The following KPNA6 variants were observed in gnomAD, a reference collection of about 807,000 sequenced individuals.
KPNA6 encodes importin subunit alpha-7.
Under a neutral mutation model 72.0 loss-of-function variants are expected in KPNA6, and 9 were observed. That is an observed-to-expected ratio of 0.13 (90% CI 0.08 to 0.22). KPNA6 has a LOEUF of 0.22. KPNA6 is among the 10% of genes least tolerant of loss of function. The probability of loss-of-function intolerance (pLI) is 1.00; values close to 1 mark genes in which losing one functional copy is unlikely to be tolerated. For synonymous variants in KPNA6, 219 were observed against 242.1 expected (o/e 0.90, Z 0.89); for missense variants, 374 against 655.7 (o/e 0.57, Z 4.69).
rs768549403 is a variant in KPNA6 at position 32,172,639 on chromosome 1, T to C, written c.*1745T>C. On this transcript the variant is annotated 3_prime_UTR_variant, in exon 14 of 14. Transcript: ENST00000373625. Reference sequence around the variant, plus strand: ...GAATTACGGTAGTGCATTGCCTTAGTGGCTTGCCTGTGCCTCTGGGTGGAT... The same window carrying C: ...GAATTACGGTAGTGCATTGCCTTAGCGGCTTGCCTGTGCCTCTGGGTGGAT... The C allele has an allele frequency of 2.6e-5, 4 of 155,098 alleles. No individual in the cohort carries two copies. Among genetic ancestry groups the C allele is most frequent in the Non-Finnish European group, 5.7e-5 (4 of 70,150 alleles). 9.6% of individuals were successfully genotyped at this position (155,098 alleles called of 1,614,324 possible). A position where few individuals can be genotyped will look rare whatever the true frequency, so the allele number is the denominator to read the frequency against.
intron 1 of KPNA6, among the ~76,000 whole-genome samples, chr1:32,131,123 G>A (rs1174631109): frequency 1.3e-5 from 2 of 152,064 alleles, no homozygotes; most frequent in Non-Finnish European, 2.9e-5. Flanking sequence ...GTGAAACCCC[G>A]TCTCTACTAA....
chr1:32,148,545 G>A (rs902295453), intron 1 of KPNA6, among the ~76,000 whole-genome samples: 2 of 149,270 alleles, frequency 1.3e-5, no homozygotes, highest in African/African-American at 4.9e-5. Flanking sequence ...CCATAATGTG[G>A]TGTATATTGG....
At chr1:32,109,593 GT>G (rs929241856) in intron 1 of KPNA6, among the ~76,000 whole-genome samples, 2 of 151,144 alleles carry the variant, frequency 1.3e-5, no homozygotes, top group African/African-American at 4.9e-5. Context: ...TTTTCTGTTT[GT>G]TTATTTTGTT....
chr1:32,124,229 G>A (rs1641490303), intron 1 of KPNA6, among the ~76,000 whole-genome samples: 1 of 151,732 alleles, frequency 6.6e-6, no homozygotes. Context: ...AGTAATTAGC[G>A]GTGTGTAGTG....
At chr1:32,147,982 G>T (rs186128287) in intron 1 of KPNA6, among the ~76,000 whole-genome samples, 1 of 152,178 alleles carries the variant, frequency 6.6e-6, no homozygotes, top group African/African-American at 2.4e-5. Flanking sequence ...TCATAATTTC[G>T]AATGAGAAAT....
rs535291091 is a variant in KPNA6, at chr1:32,121,396, A to G, written c.4+13262A>G. Among the ~76,000 whole-genome samples the G allele has an allele frequency of 5.3e-5, 8 of 152,286 alleles. No individual in the cohort carries two copies. In the South Asian group the frequency reaches 1.0e-3, roughly 20 times the overall value. The stretch of plus-strand genomic sequence containing the variant: ...AGTGATGCTGAATTTAAATTTGTGC[A>G]TTTTGAGGATTCTCTGACCTCCAGG... On this transcript the variant is annotated intron_variant, in intron 1 of 13. Coordinates refer to ENST00000373625, the MANE Select transcript of KPNA6 (RefSeq NM_012316.5).
intron 1 of KPNA6, among the ~76,000 whole-genome samples, chr1:32,135,221 C>T (rs184569774): frequency 6.6e-6 from 1 of 152,324 alleles, no homozygotes; most frequent in Non-Finnish European, 1.5e-5. Context: ...GCATGCACCA[C>T]CAGGCCTGGC....
intron 12 of KPNA6, 45 bp from the exon 13 acceptor site, chr1:32,169,837 T>G (rs746720063): frequency 1.9e-6 from 3 of 1,556,332 alleles, no homozygotes; most frequent in Non-Finnish European, 2.6e-6. Flanking sequence ...CAGCACTTCA[T>G]GTGTCCTGTA....
At chr1:32,140,142 T>C (rs1641812228) in intron 1 of KPNA6, among the ~76,000 whole-genome samples, 1 of 152,156 alleles carries the variant, frequency 6.6e-6, no homozygotes, top group African/African-American at 2.4e-5. Flanking sequence ...CCCAGCACTT[T>C]GGGAGGCCGA....
intron 1 of KPNA6, among the ~76,000 whole-genome samples, chr1:32,111,859 T>C (rs1204246592): frequency 6.6e-6 from 1 of 152,220 alleles, no homozygotes; most frequent in Non-Finnish European, 1.5e-5. Context: ...AGGGGTGATA[T>C]TTGTAGCTCT....
intron 7 of KPNA6, among the ~76,000 whole-genome samples, chr1:32,160,999 T>TA (rs1375531880): frequency 6.6e-6 from 1 of 151,902 alleles, no homozygotes; most frequent in East Asian, 1.9e-4. Context: ...CTACAAAAAA[T>TA]ACAAAAGTTA....
intron 1 of KPNA6, among the ~76,000 whole-genome samples, chr1:32,144,715 A>G (rs2124026194): frequency 6.6e-6 from 1 of 152,130 alleles, no homozygotes; most frequent in East Asian, 1.9e-4. Context: ...CAGTGGCACA[A>G]TCTCGCCTCA....
chr1:32,142,129 A>T (rs1396805628), intron 1 of KPNA6, among the ~76,000 whole-genome samples: 1 of 151,632 alleles, frequency 6.6e-6, no homozygotes, highest in Non-Finnish European at 1.5e-5. Flanking sequence ...GCTGGCCCGC[A>T]CCTGTAATCC....
Position 32,173,080 on chromosome 1 carries a change from G to T in KPNA6, c.*2186G>T, listed in dbSNP as rs1300356568. The T allele has an allele frequency of 5.0e-6, 2 of 396,274 alleles. No individual in the cohort carries two copies. The highest frequency in any genetic ancestry group is 2.1e-5 in the African/African-American group (1 of 47,736). 24.5% of individuals were successfully genotyped at this position (396,274 alleles called of 1,614,324 possible). A position where few individuals can be genotyped will look rare whatever the true frequency, so the allele number is the denominator to read the frequency against. ...GCCACTCATCAGCTTGGGAATGATG[G>T]CTGCCAACTCCCAATCTCCCAGGAA... is the stretch of plus-strand genomic sequence containing the variant. On this transcript the variant is annotated 3_prime_UTR_variant, in exon 14 of 14. Transcript: ENST00000373625.
intron 1 of KPNA6, among the ~76,000 whole-genome samples, chr1:32,130,222 A>ATTTTTT (rs55953899): frequency 9.7e-6 from 1 of 103,136 alleles, no homozygotes; most frequent in African/African-American, 3.5e-5. Context: ...GTAGATAAAT[A>ATTTTTT]TTTTTTTTTT....
chr1:32,171,702 G>C lies in KPNA6; in HGVS notation c.*808G>C, dbSNP rs944886723. 3.3e-5 allele frequency: 5 copies of C among 152,266 alleles called. 1 individual carries two copies. In the South Asian group the frequency reaches 1.0e-3, roughly 31 times the overall value. 9.4% of individuals were successfully genotyped at this position (152,266 alleles called of 1,614,324 possible). A position where few individuals can be genotyped will look rare whatever the true frequency, so the allele number is the denominator to read the frequency against. ...TGCAGGGGAGGAGCACAGGCCTTCA[G>C]ATGGGGCTTCCCACGTGTAGCTACT... On this transcript the variant is annotated 3_prime_UTR_variant, in exon 14 of 14. Coordinates refer to ENST00000373625, the MANE Select transcript of KPNA6 (RefSeq NM_012316.5).
intron 8 of KPNA6, 37 bp downstream of exon 8, chr1:32,162,083 G>C: frequency 6.6e-7 from 1 of 1,521,906 alleles, no homozygotes. Context: ...AGTGACATCA[G>C]GTTCCTTCAT....
intron 1 of KPNA6, among the ~76,000 whole-genome samples, chr1:32,111,434 A>G (rs948770783): frequency 2.0e-5 from 3 of 152,224 alleles, no homozygotes; most frequent in African/African-American, 7.2e-5. Context: ...GCCTAGAGTC[A>G]GGTAACTTCC....
chr1:32,166,332 A>G (rs1642336931), intron 11 of KPNA6, 102 bp downstream of exon 11: 1 of 1,399,390 alleles, frequency 7.1e-7, no homozygotes, highest in African/African-American at 1.4e-5. Flanking sequence ...CCCTTTAAAA[A>G]TAGGAGTCAA....
Sources: allele counts gnomAD v4.1 joint callset (sites outside exome capture counted in the v4.1 genomes callset), GRCh38; gene constraint gnomAD v4.1.1; transcripts MANE v1.5; gene names NCBI Gene and HGNC (gene_info 2026-07-23, HGNC 2026-07-21).